Variants in CC2D2A observed in about 807,000 individuals in gnomAD.
The protein encoded by CC2D2A is coiled-coil and C2 domain-containing protein 2A.
A neutral mutation model predicts 212.9 loss-of-function variants in CC2D2A; 155 were observed. That is an observed-to-expected ratio of 0.73 (90% confidence interval 0.64 to 0.83). The LOEUF is 0.83. Among genes scored for constraint, CC2D2A ranks in the 40% least tolerant of loss-of-function variants. The probability of loss-of-function intolerance (pLI) is 0.00; values close to 1 mark genes in which losing one functional copy is unlikely to be tolerated. For synonymous variants in CC2D2A, 667 were observed against 686.5 expected (o/e 0.97, Z 0.44); for missense variants, 1,856 against 1,956.2 (o/e 0.95, Z 0.97).
At chr4:15,590,202 A>G (rs1413365079) in intron 33 of CC2D2A, among the ~76,000 whole-genome samples, 1 of 152,158 alleles carries the variant, frequency 6.6e-6, no homozygotes, top group East Asian at 1.9e-4. Context: ...AGGGTACTAA[A>G]TAAAGTAGTG....
intron 8 of CC2D2A, among the ~76,000 whole-genome samples, chr4:15,512,688 G>C (rs546219952): frequency 6.6e-6 from 1 of 152,042 alleles, no homozygotes; most frequent in Non-Finnish European, 1.5e-5. Flanking sequence ...GGCCGGGTGC[G>C]GTGGCCTGTA....
At chr4:15,507,514 C>T (rs1429637473) in intron 6 of CC2D2A, among the ~76,000 whole-genome samples, 1 of 152,150 alleles carries the variant, frequency 6.6e-6, no homozygotes, top group Non-Finnish European at 1.5e-5. Context: ...TATTCTGACA[C>T]ATATGCAAGA....
At chr4:15,499,855 C>A (rs1214621998) in intron 4 of CC2D2A, among the ~76,000 whole-genome samples, 1 of 151,930 alleles carries the variant, frequency 6.6e-6, no homozygotes, top group African/African-American at 2.4e-5. Context: ...GTTAACCCAC[C>A]CAGGCATTCC....
At chr4:15,502,226 C>T (rs1715993344) in intron 4 of CC2D2A, among the ~76,000 whole-genome samples, 1 of 152,184 alleles carries the variant, frequency 6.6e-6, no homozygotes, top group Non-Finnish European at 1.5e-5. Flanking sequence ...CATGTACTTA[C>T]TACATCAAAA....
intron 22 of CC2D2A, among the ~76,000 whole-genome samples, 193 bp downstream of exon 22, chr4:15,559,450 C>T (rs1351695227): frequency 6.6e-6 from 1 of 152,140 alleles, no homozygotes; most frequent in Non-Finnish European, 1.5e-5. Context: ...AACAACCAGG[C>T]TATGTTCTGG....
At chr4:15,547,611 C>T (rs537424599) in intron 17 of CC2D2A, among the ~76,000 whole-genome samples, 4 of 152,234 alleles carry the variant, frequency 2.6e-5, no homozygotes, top group Admixed American at 6.5e-5. Flanking sequence ...AATTACTTGG[C>T]CTGAGAACCC....
chr4:15,591,013 C>A (rs1721081612), intron 33 of CC2D2A, among the ~76,000 whole-genome samples: 1 of 152,124 alleles, frequency 6.6e-6, no homozygotes, highest in African/African-American at 2.4e-5. Flanking sequence ...CAGGCGCGAG[C>A]CACCACACCC....
intron 21 of CC2D2A, 113 bp downstream of exon 21, chr4:15,557,620 T>G: frequency 1.6e-6 from 1 of 616,820 alleles, no homozygotes; most frequent in Non-Finnish European, 2.6e-6. Flanking sequence ...CAATAGCGGT[T>G]TCTCTTTTAT....
At chr4:15,509,312 C>T (rs1716429788) in intron 6 of CC2D2A, among the ~76,000 whole-genome samples, 1 of 147,516 alleles carries the variant, frequency 6.8e-6, no homozygotes, top group Non-Finnish European at 1.5e-5. Context: ...CTTGCTCTAT[C>T]TCCCAGGCTG....
In CC2D2A at chr4:15,569,531, G is replaced by A. The variant is rs961012062; in HGVS notation, c.3495+142G>A. The A allele has an allele frequency of 3.1e-4, 188 of 606,784 alleles. No individual in the cohort carries two copies. In the East Asian group the frequency reaches 4.7e-3, roughly 15 times the overall value. The allele number at this position is 606,784 out of a possible 1,614,324, so 37.6% of individuals were successfully genotyped here. A position where few individuals can be genotyped will look rare whatever the true frequency, so the allele number is the denominator to read the frequency against. On this transcript the variant is annotated intron_variant, in intron 27 of 36. Transcript: ENST00000424120. Reference sequence around the variant, plus strand: ...TATCACACAAGAAAGAATTCAGAGCGAGTCCACAGTGCAAAGCAAAAGCGA... The same window carrying A: ...TATCACACAAGAAAGAATTCAGAGCAAGTCCACAGTGCAAAGCAAAAGCGA...
intron 35 of CC2D2A, among the ~76,000 whole-genome samples, chr4:15,599,001 AAG>A (rs1182268343): frequency 6.6e-6 from 1 of 152,134 alleles, no homozygotes; most frequent in African/African-American, 2.4e-5. Context: ...CTCTATAAAA[AAG>A]AAAAAAAAAT....
chr4:15,589,770 T>C, intron 33 of CC2D2A, 91 bp downstream of exon 33: 2 of 605,316 alleles, frequency 3.3e-6, no homozygotes, highest in East Asian at 8.8e-5. Context: ...GTAACCAAAA[T>C]ATTTATATAA....
In CC2D2A at chr4:15,569,449, A is replaced by G. The variant is rs528890098; in HGVS notation, c.3495+60A>G. The G allele has an allele frequency of 1.8e-4, 167 of 928,116 alleles. No homozygotes were observed. The African/African-American group carries it at 2.3e-3, about 13-fold the overall frequency. The allele number at this position is 928,116 out of a possible 1,614,324, so 57.5% of individuals were successfully genotyped here. A position where few individuals can be genotyped will look rare whatever the true frequency, so the allele number is the denominator to read the frequency against. On this transcript the variant is annotated intron_variant, in intron 27 of 36. Coordinates refer to ENST00000424120, the MANE Select transcript of CC2D2A (RefSeq NM_001378615.1). ...CACTTTCATATCCTCTACCCACTAC[A>G]TAAGTTCCAATCACATTGTTACCAG... is the stretch of plus-strand genomic sequence containing the variant.
At chr4:15,477,250 C>G (rs1322102260) in intron 2 of CC2D2A, among the ~76,000 whole-genome samples, 1 of 148,876 alleles carries the variant, frequency 6.7e-6, no homozygotes, top group African/African-American at 2.5e-5. Context: ...TGCGGTGAGC[C>G]GAGATCATGC....
chr4:15,488,574 T>C (rs886272047), intron 4 of CC2D2A, among the ~76,000 whole-genome samples: 4 of 152,248 alleles, frequency 2.6e-5, no homozygotes, highest in Admixed American at 6.5e-5. Context: ...TGTTTTGGTG[T>C]TCTTTGACAT....
intron 30 of CC2D2A, among the ~76,000 whole-genome samples, chr4:15,581,432 G>C (rs542792034): frequency 1.9e-4 from 29 of 152,302 alleles, no homozygotes; most frequent in African/African-American, 6.7e-4. Flanking sequence ...AATGATGAAA[G>C]CTTGAAATAG....
At position 15,553,208 on chromosome 4, in the gene CC2D2A, ACCT is replaced by A; in HGVS notation, c.2391_2393del (p.Ser798del). On this transcript the variant is annotated inframe_deletion, in exon 19 of 37. Coordinates refer to ENST00000424120, the MANE Select transcript of CC2D2A (RefSeq NM_001378615.1). ...TGGCAGTAACCAGCTGACTCTGATG[ACCT>A]CAGGGAAAGTGTCTCATAGTGTGGC... The A allele has an allele frequency of 6.2e-7, 1 of 1,610,076 alleles. No individual in the cohort carries two copies. The highest frequency in any genetic ancestry group is 8.5e-7 in the Non-Finnish European group (1 of 1,178,500).
chr4:15,489,651 G>A (rs759708370), intron 4 of CC2D2A, among the ~76,000 whole-genome samples: 17 of 151,966 alleles, frequency 1.1e-4, no homozygotes, highest in Non-Finnish European at 2.4e-4. Flanking sequence ...TCTCATTTTT[G>A]TCTCCAGTCC....
chr4:15,531,099 C>G (rs1464885403), intron 13 of CC2D2A, among the ~76,000 whole-genome samples: 9 of 152,154 alleles, frequency 5.9e-5, no homozygotes, highest in Non-Finnish European at 1.3e-4. Context: ...CTCTATATTT[C>G]CTTTAACAGC....
Sources: gnomAD v4.1 joint callset for allele counts (sites outside exome capture counted in the v4.1 genomes callset) on GRCh38, gnomAD v4.1.1 for gene constraint, MANE v1.5 for transcripts, NCBI Gene and HGNC (gene_info 2026-07-23, HGNC 2026-07-21) for gene names.